Variants in PCDH9 observed in about 807,000 individuals in gnomAD.
The protein encoded by PCDH9 is protocadherin 9, also known as protocadherin-9.
A neutral mutation model predicts 70.6 loss-of-function variants in PCDH9; 24 were observed. The ratio of observed to expected loss-of-function variants is 0.34; its 90% CI spans 0.25 to 0.48. The LOEUF (loss-of-function observed/expected upper bound fraction) is 0.48, where lower values mean the gene tolerates loss of function less well. PCDH9 is among the 20% of genes least tolerant of loss of function. The pLI is 0.99. For synonymous variants in PCDH9, 562 were observed against 558.5 expected (o/e 1.01, Z -0.09); for missense variants, 1,281 against 1,503.6 (o/e 0.85, Z 2.45).
At chr13:66,988,718 C>G (rs1031536607) in intron 2 of PCDH9, among the ~76,000 whole-genome samples, 2 of 151,936 alleles carry the variant, frequency 1.3e-5, no homozygotes, top group Non-Finnish European at 2.9e-5. Flanking sequence ...TCAATAGGGA[C>G]AGTCATCTAT....
intron 4 of PCDH9, among the ~76,000 whole-genome samples, chr13:66,335,527 T>G (rs1956023460): frequency 6.6e-6 from 1 of 152,150 alleles, no homozygotes; most frequent in Non-Finnish European, 1.5e-5. Flanking sequence ...CACATTATCT[T>G]ATGTAATTCT....
At chr13:66,664,876 C>T (rs2078071532) in intron 3 of PCDH9, among the ~76,000 whole-genome samples, 1 of 152,002 alleles carries the variant, frequency 6.6e-6, no homozygotes, top group Non-Finnish European at 1.5e-5. Context: ...TGATACCCTA[C>T]CCCCAGTCTC....
chr13:66,658,750 C>G (rs1014139131), intron 3 of PCDH9, among the ~76,000 whole-genome samples: 2 of 152,098 alleles, frequency 1.3e-5, no homozygotes, highest in Non-Finnish European at 2.9e-5. Context: ...AATGATGATA[C>G]TTTGTACTTT....
intron 2 of PCDH9, among the ~76,000 whole-genome samples, chr13:67,030,939 CA>C (rs1410295137): frequency 6.6e-6 from 1 of 152,116 alleles, no homozygotes; most frequent in Non-Finnish European, 1.5e-5. Context: ...CTCTTAGTGA[CA>C]CTGATATAGG....
intron 2 of PCDH9, among the ~76,000 whole-genome samples, chr13:66,916,547 T>C (rs532137493): frequency 3.8e-4 from 57 of 151,708 alleles, no homozygotes; most frequent in Non-Finnish European, 6.9e-4. Context: ...AAGGAGGATC[T>C]GGTGAGTTTA....
intron 4 of PCDH9, among the ~76,000 whole-genome samples, chr13:66,522,753 T>G (rs1195690785): frequency 1.3e-5 from 2 of 151,992 alleles, no homozygotes; most frequent in Non-Finnish European, 2.9e-5. Flanking sequence ...CAAGAAGATC[T>G]GCAAGAGACA....
intron 3 of PCDH9, among the ~76,000 whole-genome samples, chr13:66,879,107 A>G (rs941772660): frequency 6.6e-6 from 1 of 152,196 alleles, no homozygotes; most frequent in Non-Finnish European, 1.5e-5. Flanking sequence ...TTGGAAAAAC[A>G]CTTAGTAGAT....
chr13:66,495,835 C>G (rs926810953), intron 4 of PCDH9, among the ~76,000 whole-genome samples: 1 of 152,144 alleles, frequency 6.6e-6, no homozygotes, highest in African/African-American at 2.4e-5. Flanking sequence ...ACACTACAAT[C>G]CCATTGTTTG....
chr13:66,519,519 C>T (rs1959892577), intron 4 of PCDH9, among the ~76,000 whole-genome samples: 1 of 152,072 alleles, frequency 6.6e-6, no homozygotes, highest in Admixed American at 6.6e-5. Flanking sequence ...TGAGTCTCAA[C>T]TTCCATATAC....
chr13:66,672,092 G>C (rs1247841759), intron 3 of PCDH9, among the ~76,000 whole-genome samples: 1 of 152,148 alleles, frequency 6.6e-6, no homozygotes, highest in Non-Finnish European at 1.5e-5. Context: ...TGCAGTCTTG[G>C]GACTTGGTGC....
At chr13:66,516,186 G>A (rs553186916) in intron 4 of PCDH9, among the ~76,000 whole-genome samples, 13 of 151,942 alleles carry the variant, frequency 8.6e-5, no homozygotes, top group Non-Finnish European at 1.8e-4. Context: ...GATAAAACAT[G>A]TTAGGTTTAG....
intron 3 of PCDH9, among the ~76,000 whole-genome samples, chr13:66,896,939 T>C (rs1210020164): frequency 6.6e-6 from 1 of 152,176 alleles, no homozygotes; most frequent in Non-Finnish European, 1.5e-5. Context: ...TCACTCCTGA[T>C]CATTCACTTT....
chr13:66,474,798 C>G (rs1035632138), intron 4 of PCDH9, among the ~76,000 whole-genome samples: 4 of 152,090 alleles, frequency 2.6e-5, no homozygotes, highest in East Asian at 1.9e-4. Flanking sequence ...AACCTACTCT[C>G]TCTTTCTTCC....
intron 4 of PCDH9, among the ~76,000 whole-genome samples, chr13:66,583,475 G>T (rs9592479): frequency 1.3e-5 from 2 of 151,916 alleles, no homozygotes; most frequent in East Asian, 1.9e-4. Flanking sequence ...GGCTGGGCTT[G>T]GGGGGACGCG....
chr13:66,848,534 G>A (rs2081251784), intron 3 of PCDH9, among the ~76,000 whole-genome samples: 1 of 152,106 alleles, frequency 6.6e-6, no homozygotes, highest in Admixed American at 6.5e-5. Flanking sequence ...TGTCACTAAT[G>A]GCTAAATATA....
At chr13:66,495,401 A>G (rs1483489246) in intron 4 of PCDH9, among the ~76,000 whole-genome samples, 1 of 152,194 alleles carries the variant, frequency 6.6e-6, no homozygotes, top group Non-Finnish European at 1.5e-5. Context: ...GAAATAACAC[A>G]TTGAAACCAG....
At chr13:67,022,396 C>A (rs966357773) in intron 2 of PCDH9, among the ~76,000 whole-genome samples, 36 of 152,160 alleles carry the variant, frequency 2.4e-4, no homozygotes, top group African/African-American at 8.0e-4. Context: ...GCTGGGATTA[C>A]AGGCATGAGC....
At chr13:66,737,483 G>T (rs532495607) in intron 3 of PCDH9, among the ~76,000 whole-genome samples, 27 of 152,280 alleles carry the variant, frequency 1.8e-4, no homozygotes, top group African/African-American at 6.0e-4. Flanking sequence ...TTTGGAAGAG[G>T]GGGGAGGAGC....
intron 2 of PCDH9, among the ~76,000 whole-genome samples, chr13:67,147,346 G>T (rs1454257136): frequency 6.6e-6 from 1 of 152,094 alleles, no homozygotes; most frequent in African/African-American, 2.4e-5. Context: ...AATAGCAGAG[G>T]TGAAAGTGGG....
Sources: gnomAD v4.1 joint callset for allele counts (sites outside exome capture counted in the v4.1 genomes callset) on GRCh38, gnomAD v4.1.1 for gene constraint, MANE v1.5 for transcripts, NCBI Gene and HGNC (gene_info 2026-07-23, HGNC 2026-07-21) for gene names.